ZFHX3: variants seen among roughly 807,000 people sequenced by gnomAD.
ZFHX3 encodes the protein zinc finger homeobox protein 3.
In ZFHX3, 42 loss-of-function variants were observed where a neutral mutation model predicts 279.1. The ratio of observed to expected loss-of-function variants is 0.15; its 90% CI spans 0.12 to 0.19. The LOEUF is 0.19. Ranked by LOEUF, ZFHX3 falls within the 10% of genes least tolerant of loss-of-function variation. ZFHX3 has a pLI of 1.00. For synonymous variants in ZFHX3, 2,293 were observed against 1,957.8 expected (o/e 1.17, Z -4.52); for missense variants, 4,981 against 4,754.0 (o/e 1.05, Z -1.40).
intron 6 of ZFHX3, among the ~76,000 whole-genome samples, chr16:73,131,631 C>A (rs1031165511): frequency 1.3e-5 from 2 of 152,092 alleles, no homozygotes; most frequent in Non-Finnish European, 2.9e-5. Context: ...GAGGAGAGGG[C>A]GAAAGCATCA....
At chr16:73,557,773 A>C (rs1356499697) in intron 2 of ZFHX3, among the ~76,000 whole-genome samples, 1 of 152,172 alleles carries the variant, frequency 6.6e-6, no homozygotes, top group African/African-American at 2.4e-5. Flanking sequence ...CCTGTGACTT[A>C]GAATGTCTTC....
chr16:73,249,603 A>G (rs1393592596), intron 5 of ZFHX3, among the ~76,000 whole-genome samples: 1 of 152,172 alleles, frequency 6.6e-6, no homozygotes, highest in Non-Finnish European at 1.5e-5. Context: ...CCTACAACAC[A>G]TGGGAATTAC....
chr16:73,256,354 C>T (rs2013662246), intron 5 of ZFHX3, among the ~76,000 whole-genome samples: 1 of 152,138 alleles, frequency 6.6e-6, no homozygotes, highest in African/African-American at 2.4e-5. Flanking sequence ...TAGTTTCTGC[C>T]AGTTTCTGCA....
intron 1 of ZFHX3, among the ~76,000 whole-genome samples, chr16:73,004,833 G>A (rs1255618963): frequency 6.6e-6 from 1 of 152,050 alleles, no homozygotes; most frequent in Non-Finnish European, 1.5e-5. Flanking sequence ...CCTATATTCA[G>A]ATCAATATTA....
At chr16:72,896,195 C>G (rs151250068) in intron 3 of ZFHX3, among the ~76,000 whole-genome samples, 2 of 152,156 alleles carry the variant, frequency 1.3e-5, no homozygotes, top group African/African-American at 2.4e-5. Flanking sequence ...CGGCTGGAAA[C>G]GAAGCCAGGG....
chr16:73,766,875 G>A (rs2053951145), intron 1 of ZFHX3, among the ~76,000 whole-genome samples: 1 of 151,712 alleles, frequency 6.6e-6, no homozygotes, highest in African/African-American at 2.4e-5. Flanking sequence ...TATCTCAGAG[G>A]ACATTTATGG....
intron 2 of ZFHX3, among the ~76,000 whole-genome samples, chr16:73,604,198 G>A (rs753374917): frequency 2.6e-5 from 4 of 152,042 alleles, no homozygotes; most frequent in Non-Finnish European, 5.9e-5. Context: ...AAATGTGCTG[G>A]AATAGTACCT....
At chr16:73,633,683 T>C (rs959992127) in intron 2 of ZFHX3, among the ~76,000 whole-genome samples, 3 of 152,196 alleles carry the variant, frequency 2.0e-5, no homozygotes, top group Non-Finnish European at 4.4e-5. Context: ...TGGATTGGCA[T>C]GGACTTTCTT....
chr16:73,262,095 A>G (rs1405901868), intron 4 of ZFHX3, among the ~76,000 whole-genome samples: 1 of 152,274 alleles, frequency 6.6e-6, no homozygotes, highest in Non-Finnish European at 1.5e-5. Context: ...CTAAAAACAC[A>G]AAGTGCCAGG....
At chr16:72,971,872 CTATT>C (rs916637644) in intron 1 of ZFHX3, among the ~76,000 whole-genome samples, 1 of 145,464 alleles carries the variant, frequency 6.9e-6, no homozygotes, top group Non-Finnish European at 1.5e-5. Context: ...TGTGAACTGC[CTATT>C]AATTTTTTTT....
intron 4 of ZFHX3, among the ~76,000 whole-genome samples, chr16:73,280,967 A>G (rs758708429): frequency 2.0e-4 from 30 of 148,118 alleles, no homozygotes; most frequent in Non-Finnish European, 3.4e-4. Context: ...CCTGGGCAAC[A>G]AGACTGAAAC....
chr16:73,504,320 C>T (rs916136793), intron 2 of ZFHX3: 2 of 152,212 alleles, frequency 1.3e-5, no homozygotes, highest in African/African-American at 4.8e-5. Flanking sequence ...GAATTCACAT[C>T]AGCTTTTTTG....
intron 4 of ZFHX3, among the ~76,000 whole-genome samples, chr16:72,841,260 T>G (rs1340445495): frequency 6.6e-6 from 1 of 152,212 alleles, no homozygotes; most frequent in East Asian, 1.9e-4. Context: ...ATGCATCAGT[T>G]TGAAACAAAC....
At chr16:73,227,765 T>G (rs2012644469) in intron 5 of ZFHX3, among the ~76,000 whole-genome samples, 2 of 149,192 alleles carry the variant, frequency 1.3e-5, no homozygotes, top group South Asian at 4.2e-4. Flanking sequence ...ATGATAATCA[T>G]TTGAACCAGG....
At chr16:73,397,564 G>A (rs1429152439) in intron 3 of ZFHX3, among the ~76,000 whole-genome samples, 1 of 152,170 alleles carries the variant, frequency 6.6e-6, no homozygotes, top group East Asian at 1.9e-4. Context: ...CAGACTGCAA[G>A]GATCAAGAAT....
intron 2 of ZFHX3, among the ~76,000 whole-genome samples, chr16:73,532,338 G>T (rs1339639969): frequency 6.6e-6 from 1 of 152,020 alleles, no homozygotes; most frequent in East Asian, 1.9e-4. Flanking sequence ...TTCTCTCTTT[G>T]CCTGTGGCCA....
chr16:73,118,063 C>G (rs1966452817), intron 7 of ZFHX3, among the ~76,000 whole-genome samples: 1 of 152,348 alleles, frequency 6.6e-6, no homozygotes, highest in Middle Eastern at 3.4e-3. Context: ...ATTGCTAAAG[C>G]AGTACAGTCC....
At chr16:73,119,970 C>A (rs1966477070) in intron 7 of ZFHX3, among the ~76,000 whole-genome samples, 1 of 152,304 alleles carries the variant, frequency 6.6e-6, no homozygotes, top group East Asian at 1.9e-4. Context: ...TGTGGAATTG[C>A]AGAGCCTCTG....
chr16:73,001,988 T>C (rs924601163), intron 1 of ZFHX3, among the ~76,000 whole-genome samples: 8 of 152,238 alleles, frequency 5.3e-5, no homozygotes, highest in South Asian at 2.1e-4. Flanking sequence ...CAAAACTCCC[T>C]GGGCCTCTCT....
Sources: gnomAD v4.1 joint callset for allele counts (sites outside exome capture counted in the v4.1 genomes callset) on GRCh38, gnomAD v4.1.1 for gene constraint, MANE v1.5 for transcripts, NCBI Gene and HGNC (gene_info 2026-07-23, HGNC 2026-07-21) for gene names.